The following PDE1A variants were observed in gnomAD, a reference collection of about 807,000 sequenced individuals.
The protein encoded by PDE1A is dual specificity calcium/calmodulin-dependent 3',5'-cyclic nucleotide phosphodiesterase 1A.
In PDE1A, 35 loss-of-function variants were observed where a neutral mutation model predicts 61.7. The ratio of observed to expected loss-of-function variants is 0.57; its 90% confidence interval spans 0.43 to 0.75. The LOEUF is 0.75. Among genes scored for constraint, PDE1A ranks in the 30% least tolerant of loss-of-function variants. The pLI is 0.00. For missense variants in PDE1A, 597 were observed against 630.6 expected (o/e 0.95, Z 0.57); for synonymous variants, 232 against 213.2 (o/e 1.09, Z -0.77).
intron 8 of PDE1A, 110 bp downstream of exon 8, chr2:182,205,830 G>A: frequency 3.3e-6 from 3 of 918,746 alleles, no homozygotes; most frequent in Non-Finnish European, 5.0e-6. Flanking sequence ...CAGTAATTAA[G>A]TTTGTAATTT....
At chr2:182,209,917 G>C (rs777733964) in intron 7 of PDE1A, among the ~76,000 whole-genome samples, 2 of 152,100 alleles carry the variant, frequency 1.3e-5, no homozygotes, top group Non-Finnish European at 2.9e-5. Context: ...AATACAATTG[G>C]TTCCTTTCAC....
At chr2:182,349,692 G>A (rs939417007) in intron 1 of PDE1A, among the ~76,000 whole-genome samples, 4 of 151,980 alleles carry the variant, frequency 2.6e-5, no homozygotes, top group South Asian at 4.2e-4. Context: ...TCCGGGAGGC[G>A]GAGGTTGCAG....
intron 1 of PDE1A, among the ~76,000 whole-genome samples, chr2:182,285,622 C>T (rs1175305676): frequency 6.6e-6 from 1 of 152,140 alleles, no homozygotes; most frequent in Non-Finnish European, 1.5e-5. Context: ...ATATGAGTTA[C>T]TTTGGCCAAT....
At chr2:182,565,502 G>A in the PDE1A span, among the ~76,000 whole-genome samples, 2 of 152,088 alleles carry the variant, frequency 1.3e-5, no homozygotes, top group African/African-American at 4.8e-5. Flanking sequence ...CGGGGGTCAG[G>A]GATCAGGGAC....
intron 1 of PDE1A, among the ~76,000 whole-genome samples, chr2:182,389,484 A>G (rs1701298294): frequency 6.6e-6 from 1 of 152,254 alleles, no homozygotes; most frequent in African/African-American, 2.4e-5. Context: ...TAAGTGATAT[A>G]TTAAAAAAAT....
chr2:182,257,481 C>A (rs1358760530), intron 2 of PDE1A, among the ~76,000 whole-genome samples: 1 of 152,160 alleles, frequency 6.6e-6, no homozygotes, highest in Non-Finnish European at 1.5e-5. Flanking sequence ...TAAGGGCTCT[C>A]CTTTGGCATT....
At chr2:182,347,064 C>T (rs781220307) in intron 1 of PDE1A, among the ~76,000 whole-genome samples, 8 of 152,008 alleles carry the variant, frequency 5.3e-5, no homozygotes, top group Non-Finnish European at 1.0e-4. Context: ...AAGACAGACC[C>T]GATGGTCAAA....
chr2:182,257,997 C>T (rs543108873), intron 2 of PDE1A, among the ~76,000 whole-genome samples: 2 of 152,040 alleles, frequency 1.3e-5, no homozygotes, highest in Non-Finnish European at 1.5e-5. Context: ...GAAACCCCAT[C>T]TCTAGTAAAA....
At chr2:182,648,342 G>C in the PDE1A span, among the ~76,000 whole-genome samples, 3 of 151,496 alleles carry the variant, frequency 2.0e-5, no homozygotes, top group Non-Finnish European at 4.4e-5. Context: ...AAACATTAAG[G>C]CCTCACAGTT....
intron 1 of PDE1A, among the ~76,000 whole-genome samples, chr2:182,421,044 C>T (rs932192811): frequency 2.0e-5 from 3 of 152,122 alleles, no homozygotes; most frequent in African/African-American, 7.2e-5. Flanking sequence ...TCTCTACATA[C>T]CTACAGGTCG....
At chr2:182,704,333 A>G in the PDE1A span, among the ~76,000 whole-genome samples, 2 of 152,050 alleles carry the variant, frequency 1.3e-5, no homozygotes, top group African/African-American at 4.8e-5. Flanking sequence ...TGCTGCAGCT[A>G]TTCAGGGCTC....
chr2:182,399,363 A>C (rs1350070522), intron 1 of PDE1A, among the ~76,000 whole-genome samples: 1 of 151,944 alleles, frequency 6.6e-6, no homozygotes, highest in Non-Finnish European at 1.5e-5. Flanking sequence ...CTATTCCCTT[A>C]TGTGACCCCT....
chr2:182,580,544 G>A, the PDE1A span, among the ~76,000 whole-genome samples: 2 of 152,244 alleles, frequency 1.3e-5, no homozygotes, highest in African/African-American at 4.8e-5. Context: ...AAGTGCTGCA[G>A]GTTAGAACTT....
At chr2:182,511,760 T>C (rs2887218) in intron 2 of PDE1A, among the ~76,000 whole-genome samples, 62,939 of 151,964 alleles carry the variant, frequency 0.41, 13,472 homozygotes, top group Middle Eastern at 0.54. Context: ...GAGTCCTTGC[T>C]TGGACACACC....
At chr2:182,580,332 A>C in the PDE1A span, among the ~76,000 whole-genome samples, 1 of 152,178 alleles carries the variant, frequency 6.6e-6, no homozygotes, top group Admixed American at 6.6e-5. Flanking sequence ...TTTGAGATCC[A>C]GATTGGATTC....
At chr2:182,711,196 G>A in the PDE1A span, among the ~76,000 whole-genome samples, 1 of 152,126 alleles carries the variant, frequency 6.6e-6, no homozygotes, top group African/African-American at 2.4e-5. Context: ...AACCTGAGTG[G>A]AGTAAACAGA....
At chr2:182,396,452 G>C (rs1701710381) in intron 1 of PDE1A, among the ~76,000 whole-genome samples, 2 of 152,218 alleles carry the variant, frequency 1.3e-5, no homozygotes, top group African/African-American at 4.8e-5. Flanking sequence ...TTAGAATACA[G>C]ATGGGTAGTA....
At chr2:182,401,243 C>G (rs542863067) in intron 1 of PDE1A, among the ~76,000 whole-genome samples, 1 of 152,218 alleles carries the variant, frequency 6.6e-6, no homozygotes, top group East Asian at 1.9e-4. Context: ...TTGCCAATAT[C>G]CCTGATAAAC....
the PDE1A span, among the ~76,000 whole-genome samples, chr2:182,640,981 C>T: frequency 7.8e-6 from 1 of 127,568 alleles, no homozygotes; most frequent in Non-Finnish European, 1.6e-5. Context: ...GATCACACTA[C>T]TGCACTCCAG....
Sources: allele counts gnomAD v4.1 joint callset (sites outside exome capture counted in the v4.1 genomes callset), GRCh38; gene constraint gnomAD v4.1.1; transcripts MANE v1.5; gene names NCBI Gene and HGNC (gene_info 2026-07-23, HGNC 2026-07-21).